Variants in SNX29 observed in about 807,000 individuals in gnomAD.
SNX29 encodes sorting nexin-29.
Under a neutral mutation model 102.1 loss-of-function variants are expected in SNX29, and 78 were observed. That is an observed-to-expected ratio of 0.76 (90% CI 0.64 to 0.92). SNX29 has a LOEUF of 0.92. SNX29 is among the 40% of genes least tolerant of loss of function. The pLI is 0.00. For missense variants in SNX29, 1,280 were observed against 1,061.7 expected, an observed-to-expected ratio of 1.21 and a Z score of -2.86; for synonymous variants, 580 against 414.5, an observed-to-expected ratio of 1.40 and a Z score of -4.85.
chr16:12,536,325 A>G (rs966477993), intron 20 of SNX29, among the ~76,000 whole-genome samples: 3 of 152,214 alleles, frequency 2.0e-5, no homozygotes, highest in Admixed American at 2.0e-4. Flanking sequence ...AGAAATTACT[A>G]ATGCAGCAGG....
intron 13 of SNX29, among the ~76,000 whole-genome samples, chr16:12,156,163 C>G (rs906351761): frequency 6.6e-6 from 1 of 152,036 alleles, no homozygotes; most frequent in Non-Finnish European, 1.5e-5. Flanking sequence ...ACTCCCTTGT[C>G]TCTTTCTAAT....
At chr16:12,492,306 T>G (rs1053176235) in intron 19 of SNX29, among the ~76,000 whole-genome samples, 11 of 152,348 alleles carry the variant, frequency 7.2e-5, no homozygotes, top group African/African-American at 2.6e-4. Flanking sequence ...TTTCATGTGT[T>G]TTTTGGCTGC....
chr16:12,379,790 G>A (rs1302882915), intron 16 of SNX29, among the ~76,000 whole-genome samples: 1 of 152,140 alleles, frequency 6.6e-6, no homozygotes, highest in East Asian at 1.9e-4. Context: ...CTAATTGAGG[G>A]TTTTGGTGAT....
chr16:12,358,678 A>G (rs1190180008), intron 16 of SNX29, among the ~76,000 whole-genome samples: 1 of 152,260 alleles, frequency 6.6e-6, no homozygotes, highest in Non-Finnish European at 1.5e-5. Context: ...AATACTGCAC[A>G]GAGAAGCCAG....
At position 12,542,329 on chromosome 16, in the gene SNX29, G is replaced by C. The variant is rs567606411; in HGVS notation, c.2318+17488G>C. ...CTAGTAAGTTTTAGAGCTGCTGTTA[G>C]AGCAAGAGATTGTCTCAAAAGAAAA... On this transcript the variant is annotated intron_variant, in intron 20 of 20. Coordinates refer to ENST00000566228, the MANE Select transcript of SNX29 (RefSeq NM_032167.5). Among the ~76,000 whole-genome samples, 10 of 152,322 alleles carry C rather than the reference G, an allele frequency of 6.6e-5. No homozygotes were observed. In the South Asian group the frequency reaches 1.7e-3, roughly 25 times the overall value.
chr16:12,139,277 C>T (rs1033752906), intron 13 of SNX29, among the ~76,000 whole-genome samples: 1 of 150,678 alleles, frequency 6.6e-6, no homozygotes, highest in African/African-American at 2.4e-5. Flanking sequence ...GATCAGGTCC[C>T]TCTGAGATAC....
chr16:12,544,043 G>A (rs559194768), intron 20 of SNX29, among the ~76,000 whole-genome samples: 3 of 152,290 alleles, frequency 2.0e-5, no homozygotes, highest in African/African-American at 7.2e-5. Flanking sequence ...TCATCACATT[G>A]CAAAGCCACA....
intron 18 of SNX29, among the ~76,000 whole-genome samples, chr16:12,422,735 C>A (rs917256705): frequency 6.6e-6 from 1 of 152,202 alleles, no homozygotes; most frequent in Non-Finnish European, 1.5e-5. Context: ...ACACACCTCT[C>A]TCTCCCAGCC....
At chr16:12,033,750 G>A (rs372189203) in intron 4 of SNX29, among the ~76,000 whole-genome samples, 1 of 152,004 alleles carries the variant, frequency 6.6e-6, no homozygotes, top group Non-Finnish European at 1.5e-5. Flanking sequence ...GCGATTACAG[G>A]TGCACATCAC....
chr16:12,433,471 A>C (rs182666250), intron 18 of SNX29, among the ~76,000 whole-genome samples: 64 of 152,100 alleles, frequency 4.2e-4, no homozygotes, highest in African/African-American at 1.5e-3. Context: ...TCTCTACTAA[A>C]AATAGAACAA....
chr16:12,044,441 A>C (rs1227404263), intron 5 of SNX29, among the ~76,000 whole-genome samples: 26 of 152,260 alleles, frequency 1.7e-4, no homozygotes, highest in Non-Finnish European at 5.9e-5. Flanking sequence ...TATGGGTCCA[A>C]AATGGGAGTG....
At chr16:12,449,386 C>T (rs2086202958) in intron 18 of SNX29, among the ~76,000 whole-genome samples, 1 of 151,878 alleles carries the variant, frequency 6.6e-6, no homozygotes, top group Non-Finnish European at 1.5e-5. Context: ...GGACAGGGAT[C>T]ATGGCATATG....
At chr16:12,401,359 A>ATTTTTTTTTTTTTTTTTTTTTT (rs35886680) in intron 17 of SNX29, among the ~76,000 whole-genome samples, 1 of 101,500 alleles carries the variant, frequency 9.9e-6, no homozygotes, top group Non-Finnish European at 1.9e-5. Context: ...ATAGAGTTAA[A>ATTTTTTTTTTTTTTTTTTTTTT]TTTTTTTTTT....
intron 13 of SNX29, among the ~76,000 whole-genome samples, chr16:12,144,130 A>G (rs1251585414): frequency 1.3e-5 from 2 of 152,178 alleles, no homozygotes; most frequent in African/African-American, 4.8e-5. Context: ...TAGACCACAC[A>G]TTTTAAGTAG....
At chr16:12,001,608 C>T (rs1006919406) in intron 2 of SNX29, among the ~76,000 whole-genome samples, 1 of 151,968 alleles carries the variant, frequency 6.6e-6, no homozygotes, top group Non-Finnish European at 1.5e-5. Flanking sequence ...TATACACACA[C>T]ACATATACAC....
intron 14 of SNX29, among the ~76,000 whole-genome samples, chr16:12,230,851 T>C (rs559624588): frequency 7.6e-4 from 115 of 152,244 alleles, no homozygotes; most frequent in Non-Finnish European, 1.6e-3. Context: ...TATGTATATA[T>C]GTATGTACTT....
intron 19 of SNX29, among the ~76,000 whole-genome samples, chr16:12,485,951 T>A (rs1212760752): frequency 6.6e-6 from 1 of 152,190 alleles, no homozygotes; most frequent in Non-Finnish European, 1.5e-5. Context: ...ATCCTTTCTG[T>A]ACATCCCGGA....
In SNX29 at chr16:12,491,636, C is replaced by G. The variant is rs1416029217; in HGVS notation, c.2178+13777C>G. Among the ~76,000 whole-genome samples the G allele has an allele frequency of 2.6e-5, 4 of 151,932 alleles. No homozygotes were observed. In the South Asian group the frequency reaches 6.2e-4, roughly 24 times the overall value. On this transcript the variant is annotated intron_variant, in intron 19 of 20. Transcript: ENST00000566228. ...GTTGGTGTGCTGCACCCATTAACTCCTCATTTAGCATTAGGTATATCTCCT... is the reference window on the plus strand; with the variant it reads ...GTTGGTGTGCTGCACCCATTAACTCGTCATTTAGCATTAGGTATATCTCCT...
At chr16:12,553,746 C>G (rs940325526) in intron 20 of SNX29, among the ~76,000 whole-genome samples, 1 of 152,100 alleles carries the variant, frequency 6.6e-6, no homozygotes, top group South Asian at 2.1e-4. Flanking sequence ...TGCCACCACC[C>G]CCAGCCTAGT....
Sources: gnomAD v4.1 joint callset for allele counts (sites outside exome capture counted in the v4.1 genomes callset) on GRCh38, gnomAD v4.1.1 for gene constraint, MANE v1.5 for transcripts, NCBI Gene and HGNC (gene_info 2026-07-23, HGNC 2026-07-21) for gene names.